B3GLCT: variants seen among roughly 807,000 people sequenced by gnomAD.
The protein encoded by B3GLCT is beta 3-glucosyltransferase, also known as beta-1,3-glucosyltransferase.
In B3GLCT, 65 loss-of-function variants were observed where a neutral mutation model predicts 63.4. The ratio of observed to expected loss-of-function variants is 1.03; its 90% CI spans 0.84 to 1.26. The LOEUF is 1.26. Ranked by LOEUF, B3GLCT falls within the 50% of genes most tolerant of loss-of-function variation. The probability of loss-of-function intolerance (pLI) is 0.00; values close to 1 mark genes in which losing one functional copy is unlikely to be tolerated. For missense variants in B3GLCT, 577 were observed against 604.8 expected (o/e 0.95, Z 0.48); for synonymous variants, 233 against 219.2 (o/e 1.06, Z -0.55).
At chr13:31,321,816 GGA>G (rs1875341164) in intron 13 of B3GLCT, among the ~76,000 whole-genome samples, 1 of 142,152 alleles carries the variant, frequency 7.0e-6, no homozygotes, top group Non-Finnish European at 1.5e-5. Flanking sequence ...TTTGGTACTT[GGA>G]GAAAATAAAT....
chr13:31,286,011 A>G (rs1873313626), intron 11 of B3GLCT, among the ~76,000 whole-genome samples: 1 of 152,232 alleles, frequency 6.6e-6, no homozygotes, highest in African/African-American at 2.4e-5. Flanking sequence ...TTTAATAGTC[A>G]TTAATATAAG....
chr13:31,319,038 T>A (rs1222814104), intron 13 of B3GLCT, among the ~76,000 whole-genome samples: 3 of 152,202 alleles, frequency 2.0e-5, no homozygotes, highest in African/African-American at 7.2e-5. Context: ...TGGTTGTTTA[T>A]TCGTTCAACT....
Position 31,260,933 on chromosome 13 carries a change from CT to C in B3GLCT, c.460-10del, listed in dbSNP as rs760674958. 2.2e-4 allele frequency: 358 copies of C among 1,608,854 alleles called. 1 individual carries two copies. Among genetic ancestry groups the C allele is most frequent in the Non-Finnish European group, 2.9e-4 (338 of 1,175,490 alleles). On this transcript the variant is annotated splice_polypyrimidine_tract_variant and intron_variant, in intron 6 of 14. Coordinates refer to ENST00000343307, the MANE Select transcript of B3GLCT (RefSeq NM_194318.4). ...TTGTTTTTAAAGTGACATGTTATATCTTTATTTAACAGGAATGGTTTTTGGG... is the reference window on the plus strand; with the variant it reads ...TTGTTTTTAAAGTGACATGTTATATCTTATTTAACAGGAATGGTTTTTGGG...
rs147990534 is a variant in B3GLCT, at chr13:31,284,735, A to G, written c.938A>G (p.Asp313Gly). Reference sequence around the variant, plus strand: ...ACTGAAAATTCCATTCCTACTGTGGATTTGGGAATTCCTAATACAGATAGA... The same window carrying G: ...ACTGAAAATTCCATTCCTACTGTGGGTTTGGGAATTCCTAATACAGATAGA... Reference protein sequence around the residue: ...DYTENSIPTVDLGIPNTDRGH... With the variant: ...DYTENSIPTVGLGIPNTDRGH... Residue 313 changes from aspartate to glycine, a missense_variant, in exon 11 of 15, where the codon GAT becomes GGT. By Grantham distance (94) the Asp-to-Gly change is moderately conservative. Transcript: ENST00000343307. 6.3e-7 allele frequency: 1 copy of G among 1,592,940 alleles called. No homozygotes were observed. The highest frequency in any genetic ancestry group is 1.1e-5 in the South Asian group (1 of 90,626).
chr13:31,225,650 A>T (rs1468279856), intron 3 of B3GLCT, among the ~76,000 whole-genome samples: 1 of 152,052 alleles, frequency 6.6e-6, no homozygotes, highest in Non-Finnish European at 1.5e-5. Context: ...TAATACCCCC[A>T]TGCGTCCTGT....
At chr13:31,233,962 A>G (rs1434468899) in intron 4 of B3GLCT, among the ~76,000 whole-genome samples, 1 of 152,020 alleles carries the variant, frequency 6.6e-6, no homozygotes, top group Non-Finnish European at 1.5e-5. Context: ...TACTTGAAGA[A>G]TGCACAGTCC....
At chr13:31,256,673 C>T (rs1215902661) in intron 6 of B3GLCT, among the ~76,000 whole-genome samples, 1 of 152,136 alleles carries the variant, frequency 6.6e-6, no homozygotes, top group Non-Finnish European at 1.5e-5. Context: ...AACACAAGAA[C>T]AGAAAACCAA....
chr13:31,208,449 G>A (rs974954097), intron 1 of B3GLCT, among the ~76,000 whole-genome samples: 4 of 152,054 alleles, frequency 2.6e-5, no homozygotes, highest in Non-Finnish European at 5.9e-5. Flanking sequence ...CCCTGCACCC[G>A]GCTCTCCTGC....
chr13:31,225,396 C>T (rs1432190028), intron 3 of B3GLCT, among the ~76,000 whole-genome samples: 2 of 152,202 alleles, frequency 1.3e-5, no homozygotes, highest in Non-Finnish European at 2.9e-5. Context: ...GATCTGGACT[C>T]AGCCAGAATG....
At chr13:31,277,389 T>TAA (rs796656819) in intron 10 of B3GLCT, among the ~76,000 whole-genome samples, 1 of 144,142 alleles carries the variant, frequency 6.9e-6, no homozygotes, top group African/African-American at 2.5e-5. Context: ...GACGATAATG[T>TAA]AAAAAAAAAA....
intron 3 of B3GLCT, among the ~76,000 whole-genome samples, chr13:31,225,711 G>A (rs1446603388): frequency 6.6e-6 from 1 of 152,080 alleles, no homozygotes; most frequent in South Asian, 2.1e-4. Flanking sequence ...ATTTGATTCT[G>A]TCCCAAACTT....
intron 8 of B3GLCT, 64 bp from the exon 9 acceptor site, chr13:31,274,445 G>T: frequency 6.2e-7 from 1 of 1,604,154 alleles, no homozygotes; most frequent in South Asian, 1.1e-5. Context: ...GAGATATTTT[G>T]TCCCTTCTTA....
intron 14 of B3GLCT, among the ~76,000 whole-genome samples, chr13:31,326,924 A>G (rs1875653910): frequency 6.6e-6 from 1 of 152,190 alleles, no homozygotes; most frequent in South Asian, 2.1e-4. Flanking sequence ...AATCTGCATT[A>G]ATAGAGTGGA....
intron 12 of B3GLCT, among the ~76,000 whole-genome samples, chr13:31,302,469 CG>C: frequency 7.3e-6 from 1 of 136,236 alleles, no homozygotes; most frequent in South Asian, 2.6e-4. Context: ...AGTGTGTGTG[CG>C]CACCGTGCGC....
chr13:31,257,765 G>A (rs1482454996), intron 6 of B3GLCT, among the ~76,000 whole-genome samples: 1 of 152,002 alleles, frequency 6.6e-6, no homozygotes, highest in African/African-American at 2.4e-5. Context: ...TAGAACTTAG[G>A]GTACTTGATT....
At chr13:31,317,446 CT>C in intron 12 of B3GLCT, 119 bp from the exon 13 acceptor site, 1 of 1,210,382 alleles carries the variant, frequency 8.3e-7, no homozygotes, top group Admixed American at 1.7e-5. Context: ...CAAATTTCTT[CT>C]CTTAACTATT....
intron 14 of B3GLCT, among the ~76,000 whole-genome samples, chr13:31,327,724 A>G (rs1438993201): frequency 6.6e-6 from 1 of 152,238 alleles, no homozygotes; most frequent in East Asian, 1.9e-4. Context: ...TCCTTCAACT[A>G]ATATTCAAAA....
intron 6 of B3GLCT, among the ~76,000 whole-genome samples, chr13:31,252,472 C>T (rs1871477632): frequency 6.6e-6 from 1 of 151,982 alleles, no homozygotes; most frequent in Admixed American, 6.6e-5. Context: ...TTTGGGAGAC[C>T]CATCTCATGT....
At chr13:31,222,880 A>T in intron 2 of B3GLCT, 72 bp from the exon 3 acceptor site, 1 of 1,001,534 alleles carries the variant, frequency 1.0e-6, no homozygotes, top group Non-Finnish European at 1.6e-6. Flanking sequence ...TGCACCATGC[A>T]TGTTTACTCA....
Sources: allele counts gnomAD v4.1 joint callset (sites outside exome capture counted in the v4.1 genomes callset), GRCh38; gene constraint gnomAD v4.1.1; transcripts MANE v1.5; gene names NCBI Gene and HGNC (gene_info 2026-07-23, HGNC 2026-07-21).